The following MARCHF1 variants were observed in gnomAD, a reference collection of about 807,000 sequenced individuals.
MARCHF1 encodes the protein membrane associated ring-CH-type finger 1.
In MARCHF1, 40 loss-of-function variants were observed where a neutral mutation model predicts 54.2. That is an observed-to-expected ratio of 0.74 (90% CI 0.57 to 0.96). The LOEUF is 0.96. Among genes scored for constraint, MARCHF1 ranks in the 40% least tolerant of loss-of-function variants. The probability of loss-of-function intolerance (pLI) is 0.00; values close to 1 mark genes in which losing one functional copy is unlikely to be tolerated. For missense variants in MARCHF1, 586 were observed against 656.5 expected (o/e 0.89, Z 1.17); for synonymous variants, 236 against 236.3 (o/e 1.00, Z 0.01).
intron 8 of MARCHF1, among the ~76,000 whole-genome samples, chr4:163,568,529 A>G (rs1739724092): frequency 6.6e-6 from 1 of 152,132 alleles, no homozygotes; most frequent in South Asian, 2.1e-4. Context: ...TCTTGAGCTT[A>G]GTCTTTTTCA....
At chr4:163,571,168 A>G (rs1050863944) in intron 8 of MARCHF1, among the ~76,000 whole-genome samples, 2 of 152,054 alleles carry the variant, frequency 1.3e-5, no homozygotes, top group African/African-American at 4.8e-5. Context: ...AATTCCCACA[A>G]ATTTCCCTTG....
chr4:163,793,302 G>A (rs556397594), intron 4 of MARCHF1, among the ~76,000 whole-genome samples: 5 of 152,146 alleles, frequency 3.3e-5, no homozygotes, highest in Admixed American at 3.3e-4. Flanking sequence ...GAAAAGTCTC[G>A]GCGTTACTAG....
chr4:163,976,159 G>C (rs1752646226), intron 3 of MARCHF1, among the ~76,000 whole-genome samples: 1 of 152,192 alleles, frequency 6.6e-6, no homozygotes, highest in Non-Finnish European at 1.5e-5. Flanking sequence ...TGTAACTGCT[G>C]TATGTCTCTA....
At chr4:164,090,297 A>G (rs1315075614) in intron 2 of MARCHF1, among the ~76,000 whole-genome samples, 1 of 151,692 alleles carries the variant, frequency 6.6e-6, no homozygotes, top group Non-Finnish European at 1.5e-5. Context: ...GATTCAAACT[A>G]TTTGGAAAGA....
chr4:164,157,581 C>A (rs1327556117), intron 1 of MARCHF1, among the ~76,000 whole-genome samples: 1 of 152,160 alleles, frequency 6.6e-6, no homozygotes, highest in East Asian at 1.9e-4. Context: ...GTCAGCAGGG[C>A]CACGCTCGCT....
At chr4:164,334,805 A>G (rs767358998) in intron 1 of MARCHF1, among the ~76,000 whole-genome samples, 1 of 152,210 alleles carries the variant, frequency 6.6e-6, no homozygotes, top group African/African-American at 2.4e-5. Context: ...TCTATATGCC[A>G]TTAAGAACAT....
At chr4:163,606,860 TG>T (rs1198079998) in intron 7 of MARCHF1, among the ~76,000 whole-genome samples, 1 of 152,072 alleles carries the variant, frequency 6.6e-6, no homozygotes, top group Non-Finnish European at 1.5e-5. Flanking sequence ...CCTATGATCC[TG>T]GTGACAGTGA....
chr4:163,735,196 A>C (rs781732526), intron 4 of MARCHF1, among the ~76,000 whole-genome samples: 12 of 152,132 alleles, frequency 7.9e-5, no homozygotes, highest in Non-Finnish European at 1.6e-4. Context: ...TAGTCCTCAC[A>C]CACTTAGGAC....
intron 7 of MARCHF1, among the ~76,000 whole-genome samples, chr4:163,611,298 T>C (rs998046564): frequency 2.6e-5 from 4 of 152,124 alleles, no homozygotes; most frequent in African/African-American, 7.2e-5. Context: ...ACCATTCTTA[T>C]ATTATTCACA....
At chr4:163,957,402 T>C (rs1344956372) in intron 3 of MARCHF1, among the ~76,000 whole-genome samples, 2 of 152,118 alleles carry the variant, frequency 1.3e-5, no homozygotes, top group Non-Finnish European at 2.9e-5. Context: ...CAGGAAACTA[T>C]ATCATCCACT....
chr4:164,265,324 A>T (rs908064173), intron 1 of MARCHF1, among the ~76,000 whole-genome samples: 4 of 152,180 alleles, frequency 2.6e-5, no homozygotes, highest in Admixed American at 2.6e-4. Flanking sequence ...CAGTGTAAAT[A>T]AAAATAATTT....
intron 1 of MARCHF1, among the ~76,000 whole-genome samples, chr4:164,179,074 G>A (rs981800380): frequency 1.3e-5 from 2 of 152,110 alleles, no homozygotes; most frequent in African/African-American, 2.4e-5. Flanking sequence ...ATGAGACTAC[G>A]TTCTCCTCCT....
chr4:164,042,540 C>T (rs1335780564), intron 2 of MARCHF1, among the ~76,000 whole-genome samples: 1 of 152,100 alleles, frequency 6.6e-6, no homozygotes, highest in Non-Finnish European at 1.5e-5. Context: ...CAATCACCTA[C>T]CACTAAGCCC....
chr4:163,944,204 G>A (rs977692599), intron 3 of MARCHF1, among the ~76,000 whole-genome samples: 3 of 145,594 alleles, frequency 2.1e-5, no homozygotes, highest in Non-Finnish European at 4.5e-5. Flanking sequence ...GGATGGTCTC[G>A]ATCTCCTGAC....
intron 1 of MARCHF1, among the ~76,000 whole-genome samples, chr4:164,162,146 C>T (rs188210474): frequency 9.2e-5 from 14 of 152,104 alleles, no homozygotes; most frequent in Non-Finnish European, 1.9e-4. Context: ...TGTTTAAAGA[C>T]ACAAAATAAG....
chr4:164,059,234 G>T (rs1754559842), intron 2 of MARCHF1, among the ~76,000 whole-genome samples: 1 of 152,120 alleles, frequency 6.6e-6, no homozygotes, highest in Non-Finnish European at 1.5e-5. Context: ...TAGAGGCATT[G>T]ATTCAGTTTG....
At chr4:164,172,526 A>C (rs1046178678) in intron 1 of MARCHF1, among the ~76,000 whole-genome samples, 8 of 152,240 alleles carry the variant, frequency 5.3e-5, no homozygotes, top group Non-Finnish European at 1.2e-4. Flanking sequence ...GAGATGCACA[A>C]ATTCATTATC....
chr4:163,994,534 T>C (rs142139125), intron 2 of MARCHF1, among the ~76,000 whole-genome samples: 2,424 of 151,912 alleles, frequency 0.016, 56 homozygotes, highest in African/African-American at 0.052. Flanking sequence ...CAAACCTGCA[T>C]GTTGTGCACA....
intron 1 of MARCHF1, among the ~76,000 whole-genome samples, chr4:164,141,986 G>A (rs1004253419): frequency 1.4e-5 from 2 of 140,932 alleles, no homozygotes; most frequent in Non-Finnish European, 3.0e-5. Flanking sequence ...AGCCAAAGTA[G>A]GGCGAGGCAT....
Sources: allele counts gnomAD v4.1 joint callset (sites outside exome capture counted in the v4.1 genomes callset), GRCh38; gene constraint gnomAD v4.1.1; transcripts MANE v1.5; gene names NCBI Gene and HGNC (gene_info 2026-07-23, HGNC 2026-07-21).